The following RGS12 variants were observed in gnomAD, a reference collection of about 807,000 sequenced individuals.
RGS12 encodes regulator of G-protein signaling 12.
Under a neutral mutation model 120.1 loss-of-function variants are expected in RGS12, and 66 were observed. The observed-to-expected ratio is 0.55, with a 90% CI of 0.45 to 0.67. The LOEUF (loss-of-function observed/expected upper bound fraction) is 0.67. Among genes scored for constraint, RGS12 ranks in the 30% least tolerant of loss-of-function variants. RGS12 has a pLI of 0.00. For missense variants in RGS12, 1,859 were observed against 1,957.7 expected, an observed-to-expected ratio of 0.95 and a Z score of 0.95; for synonymous variants, 827 against 804.7, an observed-to-expected ratio of 1.03 and a Z score of -0.47.
chr4:3,309,397 T>TG (rs1724180472), intron 1 of RGS12, among the ~76,000 whole-genome samples: 1 of 34,770 alleles, frequency 2.9e-5, no homozygotes, highest in Non-Finnish European at 5.7e-5. Context: ...GCTGGGACCC[T>TG]GGAATGGCAG....
intron 2 of RGS12, chr4:3,342,625 T>C: frequency 7.6e-7 from 1 of 1,307,914 alleles, no homozygotes; most frequent in Non-Finnish European, 1.0e-6. Flanking sequence ...TTTCATTTGA[T>C]CTGGGTAACA....
intron 1 of RGS12, among the ~76,000 whole-genome samples, chr4:3,315,513 G>A (rs1724680496): frequency 6.6e-6 from 1 of 152,196 alleles, no homozygotes; most frequent in African/African-American, 2.4e-5. Flanking sequence ...AATTAATGTG[G>A]GAGGGTCATG....
chr4:3,364,541 G>A (rs1191668016), intron 3 of RGS12, among the ~76,000 whole-genome samples: 1 of 152,000 alleles, frequency 6.6e-6, no homozygotes, highest in Non-Finnish European at 1.5e-5. Context: ...AGCAGCAGAA[G>A]ACTGTCCAGG....
intron 1 of RGS12, among the ~76,000 whole-genome samples, chr4:3,295,002 G>C (rs191693550): frequency 6.6e-6 from 1 of 152,118 alleles, no homozygotes; most frequent in Admixed American, 6.5e-5. Context: ...GGAGGCACTC[G>C]ACAGGCACTG....
At chr4:3,438,059 C>T (rs1473225748) in intron 17 of RGS12, among the ~76,000 whole-genome samples, 1 of 152,162 alleles carries the variant, frequency 6.6e-6, no homozygotes, top group Non-Finnish European at 1.5e-5. Flanking sequence ...TCTTCACCTT[C>T]CCAGGCCTTC....
upstream of RGS12, among the ~76,000 whole-genome samples, chr4:3,288,506 A>G (rs1722950473): frequency 6.6e-6 from 1 of 152,086 alleles, no homozygotes; most frequent in African/African-American, 2.4e-5. This position sits in a 1 kb window ranked among gnomAD's most constrained non-coding sequence, Gnocchi z 5.2. Flanking sequence ...GTGTCCCTTG[A>G]GGTGGACCTG....
At chr4:3,373,861 A>C (rs1473993909) in intron 3 of RGS12, among the ~76,000 whole-genome samples, 1 of 152,212 alleles carries the variant, frequency 6.6e-6, no homozygotes, top group Non-Finnish European at 1.5e-5. Context: ...CTATATAAGG[A>C]AAGATCCAAG....
intron 4 of RGS12, chr4:3,407,527 G>A (rs2109064866): frequency 6.6e-6 from 1 of 152,462 alleles, no homozygotes; most frequent in East Asian, 1.9e-4. Context: ...ATGGTTGGAA[G>A]TATTTGGTTA....
chr4:3,313,058 A>T (rs1724509064), intron 1 of RGS12: 1 of 152,276 alleles, frequency 6.6e-6, no homozygotes. Context: ...TCTCTAAAAA[A>T]TAAAAACAAA....
At chr4:3,376,765 C>A (rs987864252) in intron 3 of RGS12, among the ~76,000 whole-genome samples, 3 of 152,194 alleles carry the variant, frequency 2.0e-5, no homozygotes, top group Non-Finnish European at 2.9e-5. Flanking sequence ...AGAGAGCACC[C>A]CAGCATGTGG....
intron 2 of RGS12, among the ~76,000 whole-genome samples, chr4:3,323,084 C>A (rs1021613870): frequency 1.3e-5 from 2 of 152,222 alleles, no homozygotes; most frequent in Non-Finnish European, 2.9e-5. Context: ...ACAGAAGCCT[C>A]AAGCCCGTGA....
chr4:3,427,998 C>T (rs1046514970), intron 14 of RGS12, 92 bp from the exon 15 acceptor site: 11 of 1,225,618 alleles, frequency 9.0e-6, no homozygotes, highest in African/African-American at 1.5e-5. Context: ...TTCTCTACAG[C>T]TTTGCTCTCA....
At chr4:3,295,209 G>T (rs1302539202) in intron 1 of RGS12, among the ~76,000 whole-genome samples, 1 of 152,214 alleles carries the variant, frequency 6.6e-6, no homozygotes, top group Non-Finnish European at 1.5e-5. Flanking sequence ...CTGTGGGAAG[G>T]TCGGGGGTAG....
chr4:3,424,455 T>C (rs1723384085), intron 13 of RGS12, among the ~76,000 whole-genome samples: 1 of 152,178 alleles, frequency 6.6e-6, no homozygotes, highest in Non-Finnish European at 1.5e-5. Context: ...AGTCCAGAAA[T>C]CTGCAGGTGG....
intron 2 of RGS12, among the ~76,000 whole-genome samples, chr4:3,340,461 G>C (rs1226321944): frequency 6.6e-6 from 1 of 152,248 alleles, no homozygotes; most frequent in Non-Finnish European, 1.5e-5. Flanking sequence ...GGTCAGGGGA[G>C]GGAAGAACAT....
Position 3,374,765 on chromosome 4 carries a change from G to A in RGS12, c.1999-11651G>A, listed in dbSNP as rs975362789. Among the ~76,000 whole-genome samples the A allele has an allele frequency of 2.6e-5, 4 of 152,034 alleles. No homozygotes were observed. Among genetic ancestry groups the A allele is most frequent in the African/African-American group, 9.7e-5 (4 of 41,406 alleles). ...CCCATCTCTTGCCTGGAGCACCACAGAGCCTCCAGCTGCCCCTGCCCTGCC... is the reference window on the plus strand; with the variant it reads ...CCCATCTCTTGCCTGGAGCACCACAAAGCCTCCAGCTGCCCCTGCCCTGCC... On this transcript the variant is annotated intron_variant, in intron 3 of 17. Transcript: ENST00000336727. The surrounding 1 kb of genome is among the most constrained non-coding windows in gnomAD (Gnocchi z 6.3).
chr4:3,383,329 G>A (rs930867868), intron 3 of RGS12, among the ~76,000 whole-genome samples: 1 of 152,078 alleles, frequency 6.6e-6, no homozygotes, highest in African/African-American at 2.4e-5. Context: ...TGTTTGGGTG[G>A]GGCATGGAGG....
At chr4:3,289,620 A>G (rs939559951), upstream of RGS12, among the ~76,000 whole-genome samples, 1 of 152,236 alleles carries the variant, frequency 6.6e-6, no homozygotes, top group Non-Finnish European at 1.5e-5. Context: ...TTTACACTAC[A>G]GAGTGATTAA....
intron 3 of RGS12, among the ~76,000 whole-genome samples, chr4:3,353,403 G>C (rs1364082973): frequency 1.3e-5 from 2 of 152,166 alleles, no homozygotes; most frequent in Non-Finnish European, 2.9e-5. Flanking sequence ...GAATGGCGCT[G>C]CTTCTTAGTT....
Sources: allele counts gnomAD v4.1 joint callset (sites outside exome capture counted in the v4.1 genomes callset), GRCh38; gene constraint gnomAD v4.1.1; non-coding constraint Gnocchi (gnomAD v3.1); transcripts MANE v1.5; gene names NCBI Gene and HGNC (gene_info 2026-07-23, HGNC 2026-07-21).